GALNT13: variants seen among roughly 807,000 people sequenced by gnomAD.
GALNT13 encodes the protein UDP-GalNAc:polypeptide N-acetylgalactosaminyltransferase 13.
In GALNT13, 28 loss-of-function variants were observed where a neutral mutation model predicts 64.2. The ratio of observed to expected loss-of-function variants is 0.44; its 90% CI spans 0.32 to 0.60. GALNT13 has a LOEUF of 0.60. GALNT13 is among the 20% of genes least tolerant of loss of function. GALNT13 has a pLI of 0.05. For missense variants in GALNT13, 577 were observed against 669.8 expected, an observed-to-expected ratio of 0.86 and a Z score of 1.53; for synonymous variants, 214 against 224.6, an observed-to-expected ratio of 0.95 and a Z score of 0.42.
intron 11 of GALNT13, among the ~76,000 whole-genome samples, chr2:154,411,302 A>G (rs1699779755): frequency 6.7e-6 from 1 of 148,484 alleles, no homozygotes; most frequent in African/African-American, 2.5e-5. Flanking sequence ...TTCCATCTAC[A>G]TACTTAATTG....
At chr2:154,447,505 G>A (rs1701653675) in intron 12 of GALNT13, among the ~76,000 whole-genome samples, 1 of 151,882 alleles carries the variant, frequency 6.6e-6, no homozygotes, top group Admixed American at 6.6e-5. Flanking sequence ...ATAAGAACAT[G>A]TCCTAGCTTT....
chr2:153,854,002 T>C, the GALNT13 span, among the ~76,000 whole-genome samples: 59 of 151,860 alleles, frequency 3.9e-4, no homozygotes, highest in African/African-American at 1.3e-3. Flanking sequence ...TATATACATA[T>C]GCCAGATTCA....
the GALNT13 span, among the ~76,000 whole-genome samples, chr2:153,291,404 T>C: frequency 5.3e-3 from 806 of 152,306 alleles, 7 homozygotes; most frequent in African/African-American, 0.018. Context: ...CCATGAGTTA[T>C]CCATTGTTTT....
the GALNT13 span, among the ~76,000 whole-genome samples, chr2:153,325,871 A>G: frequency 6.6e-6 from 1 of 152,122 alleles, no homozygotes; most frequent in Admixed American, 6.6e-5. Context: ...ACTGTTTGTT[A>G]TGATTTCTGT....
At chr2:153,835,610 A>G in the GALNT13 span, among the ~76,000 whole-genome samples, 1 of 152,066 alleles carries the variant, frequency 6.6e-6, no homozygotes, top group Non-Finnish European at 1.5e-5. Flanking sequence ...TGAAATTAAT[A>G]AACTTAAAAC....
chr2:153,410,744 G>C, the GALNT13 span, among the ~76,000 whole-genome samples: 1 of 152,028 alleles, frequency 6.6e-6, no homozygotes, highest in Non-Finnish European at 1.5e-5. Context: ...AAAGAGTGGA[G>C]CAGGGAAATA....
chr2:153,638,812 T>C, the GALNT13 span, among the ~76,000 whole-genome samples: 1 of 152,076 alleles, frequency 6.6e-6, no homozygotes, highest in African/African-American at 2.4e-5. Flanking sequence ...TAAATGTCAT[T>C]GGCTAAGAGT....
chr2:153,330,497 T>G, the GALNT13 span, among the ~76,000 whole-genome samples: 1 of 152,230 alleles, frequency 6.6e-6, no homozygotes, highest in Non-Finnish European at 1.5e-5. Context: ...AGGTTAGATG[T>G]ATTCCTAGAT....
the GALNT13 span, among the ~76,000 whole-genome samples, chr2:153,865,375 C>T: frequency 7.5e-6 from 1 of 133,454 alleles, no homozygotes; most frequent in South Asian, 2.5e-4. Flanking sequence ...GAACAGGCAA[C>T]CTACAAAATG....
At chr2:153,393,174 C>T in the GALNT13 span, among the ~76,000 whole-genome samples, 2 of 151,950 alleles carry the variant, frequency 1.3e-5, no homozygotes, top group Non-Finnish European at 2.9e-5. Context: ...TATATATATA[C>T]ATAGTATGCC....
chr2:153,125,153 A>G, the GALNT13 span, among the ~76,000 whole-genome samples: 1 of 152,268 alleles, frequency 6.6e-6, no homozygotes, highest in East Asian at 1.9e-4. Context: ...TGAAATTTGA[A>G]TTTAACTGGT....
At chr2:153,403,199 G>C in the GALNT13 span, among the ~76,000 whole-genome samples, 2 of 145,198 alleles carry the variant, frequency 1.4e-5, no homozygotes, top group East Asian at 2.0e-4. Context: ...GTGAGGTGTC[G>C]GTATGCCCCT....
the GALNT13 span, among the ~76,000 whole-genome samples, chr2:153,607,773 T>C: frequency 2.0e-5 from 3 of 152,118 alleles, no homozygotes; most frequent in African/African-American, 7.2e-5. Context: ...GAAGAGGTGA[T>C]AGTGTTTGTC....
At chr2:153,194,518 T>C in the GALNT13 span, among the ~76,000 whole-genome samples, 1 of 152,224 alleles carries the variant, frequency 6.6e-6, no homozygotes, top group Non-Finnish European at 1.5e-5. Flanking sequence ...CTGTTTTCTC[T>C]TGCATCTGAC....
the GALNT13 span, among the ~76,000 whole-genome samples, chr2:153,517,053 G>C: frequency 6.6e-6 from 1 of 152,036 alleles, no homozygotes; most frequent in Non-Finnish European, 1.5e-5. Context: ...TCAGAATTTG[G>C]TTCCAGGTGA....
At chr2:153,757,511 T>C in the GALNT13 span, among the ~76,000 whole-genome samples, 2 of 152,180 alleles carry the variant, frequency 1.3e-5, no homozygotes, top group Non-Finnish European at 2.9e-5. Flanking sequence ...TTTCAAATCC[T>C]TTAGATATAC....
chr2:154,243,606 T>G (rs1247711005), intron 6 of GALNT13, among the ~76,000 whole-genome samples: 1 of 152,238 alleles, frequency 6.6e-6, no homozygotes, highest in African/African-American at 2.4e-5. Context: ...TAAGAATCCT[T>G]ATACATACCT....
intron 8 of GALNT13, among the ~76,000 whole-genome samples, chr2:154,263,861 G>T (rs2105909547): frequency 6.6e-6 from 1 of 152,062 alleles, no homozygotes; most frequent in East Asian, 1.9e-4. Context: ...TTAAAAAATG[G>T]ACAAAAATAC....
the GALNT13 span, among the ~76,000 whole-genome samples, chr2:153,552,043 C>T: frequency 2.6e-5 from 4 of 152,026 alleles, no homozygotes; most frequent in African/African-American, 7.2e-5. Flanking sequence ...GAGGGCCAAA[C>T]AAATTGTTTC....
Sources: gnomAD v4.1 joint callset for allele counts (sites outside exome capture counted in the v4.1 genomes callset) on GRCh38, gnomAD v4.1.1 for gene constraint, MANE v1.5 for transcripts, NCBI Gene and HGNC (gene_info 2026-07-23, HGNC 2026-07-21) for gene names.